The following KCNN2 variants were observed in gnomAD, a reference collection of about 807,000 sequenced individuals.
KCNN2 encodes the protein small conductance calcium-activated potassium channel protein 2.
A neutral mutation model predicts 55.5 loss-of-function variants in KCNN2; 24 were observed. The observed-to-expected ratio is 0.43, with a 90% CI of 0.31 to 0.61. The LOEUF is 0.61. KCNN2 is among the 20% of genes least tolerant of loss of function. The pLI is 0.08. For synonymous variants in KCNN2, 431 were observed against 336.1 expected, an observed-to-expected ratio of 1.28 and a Z score of -3.09; for missense variants, 754 against 853.6, an observed-to-expected ratio of 0.88 and a Z score of 1.45.
rs1030445937 is a variant in KCNN2 at position 114,478,109 on chromosome 5, C to T, written c.1890+4945C>T. Among the ~76,000 whole-genome samples, 2 of 152,068 alleles carry T rather than the reference C, an allele frequency of 1.3e-5. 1 individual carries two copies. Among genetic ancestry groups the T allele is most frequent in the South Asian group, 4.1e-4 (2 of 4,826 alleles). On this transcript the variant is annotated intron_variant, in intron 5 of 7. Coordinates refer to ENST00000673685, the MANE Select transcript of KCNN2 (RefSeq NM_021614.4). ...GGAAAACTGGAGAGAGAGGTTGGAG[C>T]ATGAACAAATCTATCCCTGCTGCTG...
intron 3 of KCNN2, among the ~76,000 whole-genome samples, chr5:114,445,304 T>C (rs1760361298): frequency 2.6e-5 from 4 of 152,178 alleles, no homozygotes. Flanking sequence ...ACAACATGCC[T>C]TACCTCCGTT....
chr5:114,068,132 G>C (rs553435977), intron 1 of KCNN2, among the ~76,000 whole-genome samples: 1 of 152,284 alleles, frequency 6.6e-6, no homozygotes, highest in East Asian at 1.9e-4. Context: ...TATAACTAGA[G>C]TAGTTTACAA....
chr5:114,360,972 G>A (rs1580746628), upstream of KCNN2: 1 of 153,328 alleles, frequency 6.5e-6, no homozygotes, highest in East Asian at 1.9e-4. Context: ...AAGCAGAAGA[G>A]CAGCTGGAGG....
chr5:114,096,791 C>T (rs1313752088), intron 1 of KCNN2, among the ~76,000 whole-genome samples: 1 of 152,190 alleles, frequency 6.6e-6, no homozygotes, highest in Non-Finnish European at 1.5e-5. Context: ...TCCTAATTGA[C>T]AACCATGCAA....
At chr5:114,288,861 A>G (rs1755820129) in intron 2 of KCNN2, among the ~76,000 whole-genome samples, 1 of 152,068 alleles carries the variant, frequency 6.6e-6, no homozygotes, top group Non-Finnish European at 1.5e-5. Flanking sequence ...GACTTTTTAA[A>G]TTTGATGAAG....
chr5:114,247,808 A>G (rs1281199303), intron 2 of KCNN2, among the ~76,000 whole-genome samples: 1 of 152,162 alleles, frequency 6.6e-6, no homozygotes, highest in Non-Finnish European at 1.5e-5. Context: ...CATTGTTGAC[A>G]TAGTAGTTTT....
chr5:114,437,041 TTG>T (rs139056895), intron 3 of KCNN2, among the ~76,000 whole-genome samples: 1 of 151,618 alleles, frequency 6.6e-6, no homozygotes, highest in African/African-American at 2.4e-5. Context: ...GTGTGTGTGT[TTG>T]TGTGTGTGTG....
chr5:114,118,556 C>G (rs1580529846), intron 1 of KCNN2, among the ~76,000 whole-genome samples: 1 of 151,970 alleles, frequency 6.6e-6, no homozygotes, highest in Admixed American at 6.6e-5. Context: ...AGGAGGAAGA[C>G]AGATGCCTTC....
At chr5:114,110,150 T>C (rs1751566640) in intron 1 of KCNN2, among the ~76,000 whole-genome samples, 1 of 152,028 alleles carries the variant, frequency 6.6e-6, no homozygotes, top group Admixed American at 6.6e-5. Flanking sequence ...CCTCAGGAAC[T>C]TTGAGAGAAA....
chr5:114,325,521 A>T (rs572784243), intron 2 of KCNN2, among the ~76,000 whole-genome samples: 304 of 152,338 alleles, frequency 2.0e-3, no homozygotes, highest in Non-Finnish European at 3.0e-3. Context: ...AAAGAGATTA[A>T]GAGTGTGACT....
At chr5:114,132,308 C>T (rs1250843138) in intron 1 of KCNN2, among the ~76,000 whole-genome samples, 5 of 151,876 alleles carry the variant, frequency 3.3e-5, no homozygotes, top group Non-Finnish European at 5.9e-5. Flanking sequence ...AATTTTTGTG[C>T]AAGGTGTAAG....
At chr5:114,165,234 C>T (rs1186284173) in intron 1 of KCNN2, among the ~76,000 whole-genome samples, 3 of 152,176 alleles carry the variant, frequency 2.0e-5, no homozygotes, top group Non-Finnish European at 2.9e-5. Context: ...TCACTTCCTC[C>T]ACCTCCTCTG....
chr5:114,205,000 A>T (rs1753740980), intron 1 of KCNN2, among the ~76,000 whole-genome samples: 1 of 152,252 alleles, frequency 6.6e-6, no homozygotes, highest in African/African-American at 2.4e-5. Flanking sequence ...CATAGCATCT[A>T]TTCAGCCAGC....
At chr5:114,479,796 A>AAAT (rs1166643616) in intron 5 of KCNN2, among the ~76,000 whole-genome samples, 1 of 152,224 alleles carries the variant, frequency 6.6e-6, no homozygotes, top group African/African-American at 2.4e-5. Flanking sequence ...GTAGATAATG[A>AAAT]AATTAAGGCA....
chr5:114,239,972 A>G (rs1393928024), intron 2 of KCNN2, among the ~76,000 whole-genome samples: 3 of 152,208 alleles, frequency 2.0e-5, no homozygotes, highest in Admixed American at 6.5e-5. Flanking sequence ...TAATTCGTAT[A>G]TTATTGAAAT....
chr5:114,493,994 T>C (rs147541368), intron 7 of KCNN2, among the ~76,000 whole-genome samples: 1 of 152,296 alleles, frequency 6.6e-6, no homozygotes, highest in East Asian at 1.9e-4. Flanking sequence ...TCCATTTCAT[T>C]ATTTCAAAAT....
chr5:114,293,882 T>C (rs892524294), intron 2 of KCNN2, among the ~76,000 whole-genome samples: 1 of 152,210 alleles, frequency 6.6e-6, no homozygotes, highest in Non-Finnish European at 1.5e-5. Flanking sequence ...CTGTTATTGG[T>C]CTATTCAGAG....
chr5:114,374,868 T>A (rs914478317), intron 2 of KCNN2, among the ~76,000 whole-genome samples: 1 of 152,188 alleles, frequency 6.6e-6, no homozygotes, highest in Non-Finnish European at 1.5e-5. Context: ...TATGTAGCTA[T>A]CCGTAGTGAT....
At chr5:114,179,984 C>A (rs1753208038) in intron 1 of KCNN2, among the ~76,000 whole-genome samples, 1 of 152,090 alleles carries the variant, frequency 6.6e-6, no homozygotes, top group Non-Finnish European at 1.5e-5. Context: ...TTGCTTCAAC[C>A]TATTAAATGT....
Sources: gnomAD v4.1 joint callset for allele counts (sites outside exome capture counted in the v4.1 genomes callset) on GRCh38, gnomAD v4.1.1 for gene constraint, MANE v1.5 for transcripts, NCBI Gene and HGNC (gene_info 2026-07-23, HGNC 2026-07-21) for gene names.